The following GUCY1A1 variants were observed in gnomAD, a reference collection of about 807,000 sequenced individuals.
GUCY1A1 encodes guanylate cyclase 1 soluble subunit alpha 1.
GUCY1A1 carries 48 observed loss-of-function variants against 64.5 expected under a neutral mutation model. The observed-to-expected ratio is 0.74, with a 90% confidence interval of 0.59 to 0.95. The LOEUF (loss-of-function observed/expected upper bound fraction) is 0.95, where lower values mean the gene tolerates loss of function less well. Among genes scored for constraint, GUCY1A1 ranks in the 40% least tolerant of loss-of-function variants. The pLI is 0.00. For synonymous variants in GUCY1A1, 308 were observed against 303.4 expected (o/e 1.02, Z -0.16); for missense variants, 804 against 825.3 (o/e 0.97, Z 0.32).
chr4:155,710,609 T>A lies in GUCY1A1; in HGVS notation c.444T>A (p.Asp148Glu). Residue 148 changes from aspartate to glutamate, a missense_variant, in exon 6 of 10, where the codon GAT (aspartate) becomes GAA (glutamate). Asp to Glu is a conservative substitution (Grantham distance 45). Coordinates refer to ENST00000506455, the MANE Select transcript of GUCY1A1 (RefSeq NM_001130682.3). Reference protein sequence around the residue: ...EEVFKICYEEDENILGVVGGT... With the variant: ...EEVFKICYEEEENILGVVGGT... ...TTTTTAAAATATGTTACGAGGAAGA[T>A]GAAAACATCCTTGGGGTGGTTGGAG... 1 of 1,613,578 alleles carries A rather than the reference T, an allele frequency of 6.2e-7. No homozygotes were observed. The highest frequency in any genetic ancestry group is 1.1e-5 in the South Asian group (1 of 91,020).
chr4:155,729,486 C>T (rs1442837306), intron 9 of GUCY1A1, among the ~76,000 whole-genome samples: 1 of 151,806 alleles, frequency 6.6e-6, no homozygotes, highest in Non-Finnish European at 1.5e-5. Context: ...AATTAAATCT[C>T]ATTTGAGTCC....
chr4:155,736,671 C>G lies in GUCY1A1; in HGVS notation c.*6440C>G, dbSNP rs1468398315. 6.6e-6 allele frequency: 1 copy of G among 151,912 alleles called. No individual in the cohort carries two copies. Among genetic ancestry groups the G allele is most frequent in the African/African-American group, 2.4e-5 (1 of 41,388 alleles). 9.4% of individuals were successfully genotyped at this position (151,912 alleles called of 1,614,324 possible). On this transcript the variant is annotated 3_prime_UTR_variant, in exon 10 of 10. Coordinates refer to ENST00000506455, the MANE Select transcript of GUCY1A1 (RefSeq NM_001130682.3). ...TTTGGTCCTGATGTGTAAAATGATT[C>G]ATGGGGTTTCACATACAGACAAGTA...
chr4:155,677,812 A>G (rs1371673494), intron 2 of GUCY1A1, among the ~76,000 whole-genome samples: 1 of 152,068 alleles, frequency 6.6e-6, no homozygotes, highest in African/African-American at 2.4e-5. Flanking sequence ...AGTTCGTGCC[A>G]CTGTACTCCA....
intron 2 of GUCY1A1, among the ~76,000 whole-genome samples, chr4:155,694,098 A>C (rs1457442406): frequency 1.3e-5 from 2 of 152,092 alleles, no homozygotes; most frequent in Non-Finnish European, 2.9e-5. Flanking sequence ...TAGTTATTGT[A>C]GTTAGATTTT....
At chr4:155,703,135 A>C (rs977081374) in intron 3 of GUCY1A1, among the ~76,000 whole-genome samples, 8 of 152,124 alleles carry the variant, frequency 5.3e-5, no homozygotes, top group African/African-American at 1.7e-4. Flanking sequence ...TGTTAAGATA[A>C]ATTAATAGCT....
chr4:155,683,528 C>G (rs1297355148), intron 2 of GUCY1A1, among the ~76,000 whole-genome samples: 1 of 152,060 alleles, frequency 6.6e-6, no homozygotes, highest in African/African-American at 2.4e-5. Flanking sequence ...TTGATTAAGG[C>G]TGGAAAATAG....
intron 4 of GUCY1A1, among the ~76,000 whole-genome samples, chr4:155,707,283 T>C (rs778462751): frequency 3.3e-5 from 5 of 152,218 alleles, no homozygotes; most frequent in Non-Finnish European, 7.3e-5. Context: ...AAACCCATCG[T>C]AACTTGAAAA....
At chr4:155,721,425 T>G (rs1733942866) in intron 8 of GUCY1A1, among the ~76,000 whole-genome samples, 1 of 152,140 alleles carries the variant, frequency 6.6e-6, no homozygotes, top group Admixed American at 6.6e-5. Flanking sequence ...TAATTTCATG[T>G]ATATAGACAT....
chr4:155,678,925 T>A (rs940414246), intron 2 of GUCY1A1, among the ~76,000 whole-genome samples: 1 of 152,226 alleles, frequency 6.6e-6, no homozygotes, highest in African/African-American at 2.4e-5. Context: ...TATGAAGAAA[T>A]GTTTATGACT....
At chr4:155,677,994 C>A (rs1485273530) in intron 2 of GUCY1A1, among the ~76,000 whole-genome samples, 2 of 151,826 alleles carry the variant, frequency 1.3e-5, no homozygotes, top group East Asian at 3.9e-4. Flanking sequence ...CCAAGAAAAA[C>A]TTCAAGATTT....
chr4:155,698,628 AC>A (rs891244996), intron 3 of GUCY1A1, among the ~76,000 whole-genome samples: 2 of 152,156 alleles, frequency 1.3e-5, no homozygotes, highest in Non-Finnish European at 2.9e-5. Flanking sequence ...TTTTTAAAAA[AC>A]ATTATGGTTC....
rs757855781 is a variant in GUCY1A1, at chr4:155,703,964, A to T, written c.288A>T (p.Thr96=). 6.2e-7 allele frequency: 1 copy of T among 1,608,840 alleles called. No homozygotes were observed. The highest frequency in any genetic ancestry group is 1.1e-5 in the South Asian group (1 of 90,388). The change falls in exon 4 of 10, where the codon ACA becomes ACT. Residue 96 remains threonine (T), a synonymous_variant. Transcript: ENST00000506455. ...FERLNVALQR[T]LAKHKIKESR... The stretch of plus-strand genomic sequence containing the variant: ...GGCTGAATGTTGCACTTCAGAGAAC[A>T]TTGGCAAAGCACAAAATAAAAGAAA...
chr4:155,690,749 A>G (rs7356146), intron 2 of GUCY1A1, among the ~76,000 whole-genome samples: 16,305 of 152,122 alleles, frequency 0.11, 2,931 homozygotes, highest in African/African-American at 0.37. Context: ...CCAGAGCACT[A>G]TATCCCTCCC....
chr4:155,701,426 C>T (rs775263308), intron 3 of GUCY1A1, among the ~76,000 whole-genome samples: 40 of 151,752 alleles, frequency 2.6e-4, no homozygotes, highest in Non-Finnish European at 5.4e-4. Flanking sequence ...ATAGTGTATA[C>T]GTTAGGAGGA....
rs150983027 is a variant in GUCY1A1, at chr4:155,681,406, G to C, written c.-113+13987G>C. 5.1e-4 allele frequency among the ~76,000 whole-genome samples: 77 copies of C among 152,192 alleles called. 1 individual carries two copies. Among genetic ancestry groups the C allele is most frequent in the African/African-American group, 1.6e-3 (66 of 41,524 alleles). On this transcript the variant is annotated intron_variant, in intron 2 of 9. Transcript: ENST00000506455. ...TCACAATCCTTCTTTCAAACTTGCT[G>C]TTTCCCAATCCACAGATCTTAATGT... is the stretch of plus-strand genomic sequence containing the variant.
intron 2 of GUCY1A1, among the ~76,000 whole-genome samples, chr4:155,692,068 A>T (rs1729817989): frequency 6.6e-6 from 1 of 152,160 alleles, no homozygotes; most frequent in Non-Finnish European, 1.5e-5. Context: ...TTCCTGGGTT[A>T]GTTTGCCCAG....
chr4:155,703,986 G>A lies in GUCY1A1; in HGVS notation c.310G>A (p.Glu104Lys). 1 of 1,602,352 alleles carries A rather than the reference G, an allele frequency of 6.2e-7. No homozygotes were observed. Among genetic ancestry groups the A allele is most frequent in the Non-Finnish European group, 8.5e-7 (1 of 1,172,344 alleles). The change falls in exon 4 of 10, where the codon GAA (glutamate) becomes AAA (lysine). Residue 104 changes from glutamate to lysine, a missense_variant. Transcript: ENST00000506455. ...AACATTGGCAAAGCACAAAATAAAA[G>A]AAAGCAGGTAAGTCAAACCACTTTA... ...QRTLAKHKIKESRKSLEREDF... is the reference protein window; with the variant it reads ...QRTLAKHKIKKSRKSLEREDF...
At chr4:155,712,696 A>T (rs1419545625) in intron 6 of GUCY1A1, among the ~76,000 whole-genome samples, 1 of 152,208 alleles carries the variant, frequency 6.6e-6, no homozygotes, top group African/African-American at 2.4e-5. Context: ...GAACAAAGAA[A>T]AAAGTAAGAG....
At position 155,680,460 on chromosome 4, in the gene GUCY1A1, A is replaced by ATGTGTGTGTGTG. The variant is rs59517530; in HGVS notation, c.-113+13054_-113+13065dup. ...TTCCTACATGAACAATTTTAAGTAT[A>ATGTGTGTGTGTG]TGTGTGTGTGTGTGTGTGTGTGTGC... On this transcript the variant is annotated intron_variant, in intron 2 of 9. Transcript: ENST00000506455. 3.3e-5 allele frequency among the ~76,000 whole-genome samples: 5 copies of ATGTGTGTGTGTG among 149,634 alleles called. No homozygotes were observed. The South Asian group carries it at 8.6e-4, about 26-fold the overall frequency.
Sources: allele counts gnomAD v4.1 joint callset (sites outside exome capture counted in the v4.1 genomes callset), GRCh38; gene constraint gnomAD v4.1.1; transcripts MANE v1.5; gene names NCBI Gene and HGNC (gene_info 2026-07-23, HGNC 2026-07-21).